DIP2C: variants seen among roughly 807,000 people sequenced by gnomAD.
The protein encoded by DIP2C is DIP2 acetate--CoA ligase C (putative), also known as disco-interacting protein 2 homolog C.
A neutral mutation model predicts 192.4 loss-of-function variants in DIP2C; 33 were observed. The ratio of observed to expected loss-of-function variants is 0.17; its 90% CI spans 0.13 to 0.23. The LOEUF (loss-of-function observed/expected upper bound fraction) is 0.23. Ranked by LOEUF, DIP2C falls within the 10% of genes least tolerant of loss-of-function variation. DIP2C has a pLI of 1.00. For synonymous variants in DIP2C, 979 were observed against 864.1 expected (o/e 1.13, Z -2.33); for missense variants, 1,537 against 2,110.1 (o/e 0.73, Z 5.32).
intron 17 of DIP2C, among the ~76,000 whole-genome samples, chr10:375,903 A>G (rs935248590): frequency 1.3e-5 from 2 of 152,122 alleles, no homozygotes; most frequent in Non-Finnish European, 2.9e-5. Context: ...GCGATCTCCA[A>G]TGTAGTATTC....
chr10:427,074 T>A (rs540012935), intron 4 of DIP2C, among the ~76,000 whole-genome samples: 1 of 152,370 alleles, frequency 6.6e-6, no homozygotes, highest in Admixed American at 6.5e-5. Flanking sequence ...TTGATCTTCG[T>A]GGCTTATAAC....
chr10:408,815 T>C (rs1964990519), intron 9 of DIP2C, 111 bp downstream of exon 9: 2 of 1,020,322 alleles, frequency 2.0e-6, no homozygotes, highest in Non-Finnish European at 1.4e-6. Context: ...AAAAACTTGC[T>C]TTCCAATAGA....
In DIP2C at chr10:384,359, T is replaced by C. The variant is rs186460181; in HGVS notation, c.1756+187A>G. Reference sequence around the variant, plus strand: ...GTTCAAGATTTCTCCTGCCTCAACCTCCCGAGTAGCTGGGATTATAGGCAT... The same window carrying C: ...GTTCAAGATTTCTCCTGCCTCAACCCCCCGAGTAGCTGGGATTATAGGCAT... On this transcript the variant is annotated intron_variant, in intron 15 of 36. Transcript: ENST00000280886. Among the ~76,000 whole-genome samples the C allele has an allele frequency of 6.6e-3, 831 of 125,722 alleles. 4 individuals are homozygous for C. The highest frequency in any genetic ancestry group is 0.024 in the Middle Eastern group (4 of 166). 82.5% of individuals were successfully genotyped at this position (125,722 alleles called of 152,430 possible).
At chr10:494,496 C>T (rs570834308) in intron 1 of DIP2C, among the ~76,000 whole-genome samples, 6 of 152,338 alleles carry the variant, frequency 3.9e-5, no homozygotes, top group East Asian at 3.9e-4. Context: ...ATAGTAGCTA[C>T]GGCTTTCTGC....
chr10:282,539 C>CA (rs1204099590), intron 35 of DIP2C, among the ~76,000 whole-genome samples: 4 of 152,212 alleles, frequency 2.6e-5, no homozygotes, highest in African/African-American at 9.7e-5. Context: ...CCTCAACTGC[C>CA]ACTGTTGTGA....
intron 1 of DIP2C, among the ~76,000 whole-genome samples, chr10:493,809 C>T (rs1238054164): frequency 6.6e-6 from 1 of 152,268 alleles, no homozygotes; most frequent in Non-Finnish European, 1.5e-5. Flanking sequence ...TCCACAAGCA[C>T]TATCATCCTT....
rs147655593 is a variant in DIP2C at position 477,743 on chromosome 10, G to A, written c.158-5194C>T. On this transcript the variant is annotated intron_variant, in intron 2 of 36. Transcript: ENST00000280886. ...GAAGAAAGAGAAGGAAAGAAAGAAC[G>A]AGAAAGAAAAGGAGAGAGAAGAAAA... is the stretch of plus-strand genomic sequence containing the variant. Among the ~76,000 whole-genome samples the A allele has an allele frequency of 6.0e-3, 671 of 111,912 alleles. 6 individuals are homozygous for A. The highest frequency in any genetic ancestry group is 0.017 in the African/African-American group (596 of 35,212). The allele number at this position is 111,912 out of a possible 152,430, so 73.4% of individuals were successfully genotyped here.
intron 1 of DIP2C, among the ~76,000 whole-genome samples, chr10:643,483 C>A (rs1312876766): frequency 6.6e-6 from 1 of 152,124 alleles, no homozygotes; most frequent in African/African-American, 2.4e-5. Context: ...CACTGCACTC[C>A]AGCCTGGGTG....
chr10:566,436 A>C (rs1230533747), intron 1 of DIP2C, among the ~76,000 whole-genome samples: 1 of 152,226 alleles, frequency 6.6e-6, no homozygotes, highest in Non-Finnish European at 1.5e-5. Flanking sequence ...GGAGTGTTAC[A>C]GTTGCCTTTC....
intron 17 of DIP2C, among the ~76,000 whole-genome samples, chr10:375,807 T>C (rs1463425311): frequency 6.6e-6 from 1 of 152,228 alleles, no homozygotes; most frequent in Non-Finnish European, 1.5e-5. Context: ...ACACTGCACC[T>C]GCACAGCTTC....
intron 1 of DIP2C, among the ~76,000 whole-genome samples, chr10:589,962 A>AT (rs1180152149): frequency 2.6e-5 from 4 of 152,246 alleles, no homozygotes; most frequent in African/African-American, 9.6e-5. Flanking sequence ...AGTTACATAA[A>AT]TCACCGTATC....
chr10:573,707 C>T (rs1588490652), intron 1 of DIP2C, among the ~76,000 whole-genome samples: 2 of 151,008 alleles, frequency 1.3e-5, no homozygotes, highest in African/African-American at 4.9e-5. Context: ...ATCACGCCGG[C>T]TTTTTTTTTC....
intron 3 of DIP2C, among the ~76,000 whole-genome samples, chr10:459,806 TC>T (rs1969612866): frequency 6.9e-6 from 1 of 144,174 alleles, no homozygotes. Context: ...TCTAGGACCT[TC>T]CCACAGCCAC....
Position 615,448 on chromosome 10 carries a change from C to T in DIP2C, c.85+74046G>A, listed in dbSNP as rs58365806. On this transcript the variant is annotated intron_variant, in intron 1 of 36. Transcript: ENST00000280886. ...CTCAGGGACGCTAAATTTGAACTTT[C>T]GCCACTGAGGAATCAGTCATTTACA... Among the ~76,000 whole-genome samples the T allele has an allele frequency of 3.3e-3, 501 of 152,240 alleles. 4 individuals carry two copies. Among genetic ancestry groups the T allele is most frequent in the African/African-American group, 0.011 (475 of 41,546 alleles).
intron 1 of DIP2C, among the ~76,000 whole-genome samples, chr10:556,583 C>T (rs1042003864): frequency 6.6e-6 from 1 of 151,434 alleles, no homozygotes; most frequent in East Asian, 2.0e-4. Flanking sequence ...GTCACTCCAA[C>T]GTGTCACCAT....
At chr10:299,340 G>A (rs1322955420) in intron 32 of DIP2C, among the ~76,000 whole-genome samples, 1 of 152,082 alleles carries the variant, frequency 6.6e-6, no homozygotes, top group Non-Finnish European at 1.5e-5. Context: ...CTACAGCTCC[G>A]CCTTGAGTGC....
chr10:539,072 C>T (rs975189661), intron 1 of DIP2C, among the ~76,000 whole-genome samples: 4 of 152,064 alleles, frequency 2.6e-5, no homozygotes, highest in Non-Finnish European at 4.4e-5. Flanking sequence ...CACGTCATTC[C>T]GTGCGTTTTG....
At chr10:334,780 T>A (rs1032003925) in intron 29 of DIP2C, among the ~76,000 whole-genome samples, 1 of 152,230 alleles carries the variant, frequency 6.6e-6, no homozygotes, top group African/African-American at 2.4e-5. Flanking sequence ...CTGTTTCTCA[T>A]ATATATAATC....
intron 1 of DIP2C, among the ~76,000 whole-genome samples, chr10:687,014 CAT>C (rs1831364139): frequency 6.6e-6 from 1 of 152,238 alleles, no homozygotes; most frequent in Admixed American, 6.5e-5. Flanking sequence ...GGAAATTCCA[CAT>C]ATGTTTCTAT....
Sources: allele counts gnomAD v4.1 joint callset (sites outside exome capture counted in the v4.1 genomes callset), GRCh38; gene constraint gnomAD v4.1.1; transcripts MANE v1.5; gene names NCBI Gene and HGNC (gene_info 2026-07-23, HGNC 2026-07-21).